The following IL1R1 variants were observed in gnomAD, a reference collection of about 807,000 sequenced individuals.
IL1R1 encodes the protein interleukin 1 receptor type 1.
A neutral mutation model predicts 50.2 loss-of-function variants in IL1R1; 22 were observed. That is an observed-to-expected ratio of 0.44 (90% CI 0.31 to 0.63). IL1R1 has a LOEUF of 0.63. IL1R1 is among the 20% of genes least tolerant of loss of function. The pLI is 0.07. For missense variants in IL1R1, 509 were observed against 676.2 expected, an observed-to-expected ratio of 0.75 and a Z score of 2.74; for synonymous variants, 251 against 236.7, an observed-to-expected ratio of 1.06 and a Z score of -0.55.
At chr2:102,116,193 C>G (rs1290225181) in intron 1 of IL1R1, among the ~76,000 whole-genome samples, 1 of 152,200 alleles carries the variant, frequency 6.6e-6, no homozygotes, top group East Asian at 1.9e-4. Flanking sequence ...CTCTCCATTT[C>G]TCTAGCTTCT....
chr2:102,091,912 T>C (rs1251298176), intron 1 of IL1R1, among the ~76,000 whole-genome samples: 1 of 152,254 alleles, frequency 6.6e-6, no homozygotes, highest in African/African-American at 2.4e-5. Context: ...TTCCACTTAA[T>C]GTAATGACTT....
At chr2:102,145,058 G>A (rs988998483) in intron 1 of IL1R1, among the ~76,000 whole-genome samples, 2 of 152,204 alleles carry the variant, frequency 1.3e-5, no homozygotes, top group African/African-American at 4.8e-5. Context: ...GGCAAAGCTG[G>A]ACAATTGCGG....
chr2:102,112,734 G>C (rs937995457), intron 1 of IL1R1, among the ~76,000 whole-genome samples: 6 of 152,186 alleles, frequency 3.9e-5, no homozygotes, highest in African/African-American at 2.4e-5. Context: ...TACTTTAATA[G>C]TTTTTTTTAG....
At chr2:102,078,600 A>AG (rs57113618) in intron 1 of IL1R1, among the ~76,000 whole-genome samples, 3 of 146,508 alleles carry the variant, frequency 2.0e-5, no homozygotes, top group African/African-American at 7.6e-5. Context: ...ACACACACAC[A>AG]AGAAAAAAAA....
intron 1 of IL1R1, among the ~76,000 whole-genome samples, chr2:102,108,980 AT>A (rs1278822689): frequency 2.7e-5 from 4 of 148,492 alleles, no homozygotes; most frequent in African/African-American, 1.0e-4. Context: ...AATAATAATA[AT>A]AATAATAAAA....
chr2:102,099,033 A>T (rs973263881), intron 1 of IL1R1, among the ~76,000 whole-genome samples: 2 of 152,208 alleles, frequency 1.3e-5, no homozygotes, highest in African/African-American at 4.8e-5. Flanking sequence ...TACCTTATTA[A>T]ACACAATAAC....
intron 3 of IL1R1, among the ~76,000 whole-genome samples, chr2:102,160,842 C>G (rs1329181595): frequency 1.3e-5 from 2 of 152,226 alleles, no homozygotes; most frequent in East Asian, 3.9e-4. Flanking sequence ...TCTGGTGATT[C>G]TCCCTGTGGT....
intron 1 of IL1R1, among the ~76,000 whole-genome samples, chr2:102,099,291 C>T (rs1406057313): frequency 6.6e-6 from 1 of 152,092 alleles, no homozygotes; most frequent in African/African-American, 2.4e-5. Context: ...AATTAGAGGG[C>T]CTAGAAGAGA....
chr2:102,085,281 A>G (rs1007334966), intron 1 of IL1R1, among the ~76,000 whole-genome samples: 2 of 152,152 alleles, frequency 1.3e-5, no homozygotes, highest in Non-Finnish European at 2.9e-5. Context: ...TTTTACAACT[A>G]TTTGCCTACT....
chr2:102,152,526 A>G, intron 1 of IL1R1, among the ~76,000 whole-genome samples: 5 of 143,450 alleles, frequency 3.5e-5, no homozygotes, highest in African/African-American at 1.1e-4. Context: ...AAAAAAAAAA[A>G]AAAAAAAAAA....
At chr2:102,154,935 C>T (rs1225072021) in intron 2 of IL1R1, among the ~76,000 whole-genome samples, 1 of 152,168 alleles carries the variant, frequency 6.6e-6, no homozygotes, top group African/African-American at 2.4e-5. Context: ...CTGAGTTAGC[C>T]TCTGTCTCCC....
intron 1 of IL1R1, among the ~76,000 whole-genome samples, chr2:102,127,995 A>G (rs541458269): frequency 1.3e-5 from 2 of 152,218 alleles, no homozygotes; most frequent in Non-Finnish European, 2.9e-5. Flanking sequence ...GAGTGTTTAG[A>G]TTTCAATTCT....
intron 1 of IL1R1, among the ~76,000 whole-genome samples, chr2:102,087,780 C>A (rs1221416805): frequency 6.7e-6 from 1 of 149,866 alleles, no homozygotes; most frequent in African/African-American, 2.4e-5. Flanking sequence ...TCAATTAAAC[C>A]TCTTTCCTTC....
intron 1 of IL1R1, among the ~76,000 whole-genome samples, chr2:102,091,678 G>C (rs1182242498): frequency 1.3e-5 from 2 of 152,124 alleles, no homozygotes; most frequent in Non-Finnish European, 2.9e-5. Flanking sequence ...ATACACTGTT[G>C]CTTACTATAG....
At chr2:102,122,110 G>T (rs1321784357) in intron 1 of IL1R1, among the ~76,000 whole-genome samples, 1 of 152,132 alleles carries the variant, frequency 6.6e-6, no homozygotes, top group Non-Finnish European at 1.5e-5. Flanking sequence ...GCCATGGACT[G>T]GTTTCCATGC....
intron 3 of IL1R1, among the ~76,000 whole-genome samples, chr2:102,164,322 G>C (rs980460690): frequency 2.6e-5 from 4 of 152,096 alleles, no homozygotes; most frequent in Admixed American, 2.6e-4. Flanking sequence ...TGGCCTAGCT[G>C]TAATTTTGGA....
Position 102,106,735 on chromosome 2 carries a change from T to C in IL1R1, c.-84+1863T>C, listed in dbSNP as rs541104103. Among the ~76,000 whole-genome samples the C allele has an allele frequency of 2.0e-5, 3 of 152,362 alleles. No individual in the cohort carries two copies. In the East Asian group the frequency reaches 5.8e-4, roughly 29 times the overall value. On this transcript the variant is annotated intron_variant, in intron 1 of 10. Coordinates refer to the IL1R1 transcript ENST00000409329. ...ATTTTGAAGAAATATATTTGTACTC[T>C]ACATGCTTTTCGGTTATCTGCTTTT... is the stretch of plus-strand genomic sequence containing the variant.
At chr2:102,097,405 C>T (rs1679951673) in intron 1 of IL1R1, among the ~76,000 whole-genome samples, 3 of 152,122 alleles carry the variant, frequency 2.0e-5, no homozygotes, top group African/African-American at 7.2e-5. Context: ...TTTCTGTTTC[C>T]TCTATTCTGT....
At chr2:102,172,509 G>T in intron 8 of IL1R1, 178 bp from the exon 9 acceptor site, 3 of 1,165,036 alleles carry the variant, frequency 2.6e-6, no homozygotes, top group Admixed American at 3.6e-5. Flanking sequence ...GTGGTCTTGG[G>T]GTTATAAAAT....
Sources: allele counts gnomAD v4.1 joint callset (sites outside exome capture counted in the v4.1 genomes callset), GRCh38; gene constraint gnomAD v4.1.1; transcripts MANE v1.5; gene names NCBI Gene and HGNC (gene_info 2026-07-23, HGNC 2026-07-21).